Variants in C9orf85 observed in about 807,000 individuals in gnomAD.
C9orf85 encodes the protein uncharacterized protein C9orf85.
C9orf85 carries 16 observed loss-of-function variants against 14.9 expected under a neutral mutation model. That is an observed-to-expected ratio of 1.08 (90% confidence interval 0.73 to 1.63). C9orf85 has a LOEUF of 1.63. Ranked by LOEUF, C9orf85 falls within the 40% of genes most tolerant of loss-of-function variation. C9orf85 has a pLI of 0.00. For missense variants in C9orf85, 172 were observed against 186.1 expected (o/e 0.92, Z 0.44); for synonymous variants, 45 against 56.8 (o/e 0.79, Z 0.93).
chr9:71,962,980 C>T (rs1003710911), intron 2 of C9orf85, among the ~76,000 whole-genome samples: 5 of 151,928 alleles, frequency 3.3e-5, no homozygotes, highest in Admixed American at 2.6e-4. Flanking sequence ...CACTTGAACC[C>T]GGGAAGTGGA....
chr9:71,960,243 T>A (rs1375448629), intron 2 of C9orf85, among the ~76,000 whole-genome samples: 1 of 152,172 alleles, frequency 6.6e-6, no homozygotes. Context: ...TGAACAAGAA[T>A]CCTGTTGACT....
intron 3 of C9orf85, 142 bp downstream of exon 3, chr9:71,971,760 T>C (rs1473848114): frequency 3.7e-6 from 2 of 538,216 alleles, no homozygotes; most frequent in African/African-American, 4.0e-5. Flanking sequence ...GATCACGAGG[T>C]CAGGAGTTCA....
At chr9:71,951,019 T>G (rs933190392) in intron 2 of C9orf85, among the ~76,000 whole-genome samples, 1 of 152,146 alleles carries the variant, frequency 6.6e-6, no homozygotes, top group Non-Finnish European at 1.5e-5. Flanking sequence ...GTTTGACCTA[T>G]AAACTCTTCA....
intron 1 of C9orf85, among the ~76,000 whole-genome samples, chr9:71,932,532 G>A (rs1828093602): frequency 6.6e-6 from 1 of 152,116 alleles, no homozygotes; most frequent in South Asian, 2.1e-4. Flanking sequence ...TCATGACTTT[G>A]CCTCAGCTCT....
intron 2 of C9orf85, among the ~76,000 whole-genome samples, chr9:71,947,877 C>A (rs1387231029): frequency 6.6e-6 from 1 of 152,170 alleles, no homozygotes; most frequent in South Asian, 2.1e-4. Context: ...AACTCCTGAC[C>A]TCAGGTGATC....
chr9:71,968,917 G>A (rs945269830), intron 2 of C9orf85, among the ~76,000 whole-genome samples: 1 of 151,984 alleles, frequency 6.6e-6, no homozygotes, highest in African/African-American at 2.4e-5. Flanking sequence ...GTGGCGGGGT[G>A]AGCAGTTTCG....
chr9:71,913,951 C>T (rs1827581752), intron 1 of C9orf85, among the ~76,000 whole-genome samples: 1 of 152,126 alleles, frequency 6.6e-6, no homozygotes, highest in Non-Finnish European at 1.5e-5. Flanking sequence ...GGAGGACCAC[C>T]AGGCCACTTC....
chr9:71,917,051 C>T (rs1397900120), intron 1 of C9orf85, among the ~76,000 whole-genome samples: 1 of 152,158 alleles, frequency 6.6e-6, no homozygotes, highest in African/African-American at 2.4e-5. Flanking sequence ...ACATAATTAG[C>T]ACATGCCTCT....
intron 1 of C9orf85, among the ~76,000 whole-genome samples, chr9:71,923,141 G>A (rs986442086): frequency 1.3e-5 from 2 of 152,150 alleles, no homozygotes; most frequent in Non-Finnish European, 2.9e-5. Flanking sequence ...AAAAAAGACT[G>A]ACCACCATCC....
At chr9:71,912,517 CG>C (rs1292066359) in intron 1 of C9orf85, among the ~76,000 whole-genome samples, 1 of 151,834 alleles carries the variant, frequency 6.6e-6, no homozygotes, top group Non-Finnish European at 1.5e-5. Flanking sequence ...GAGGCCGAAG[CG>C]GGTGGATCAC....
chr9:71,922,059 G>A lies in C9orf85; in HGVS notation c.102+10223G>A, dbSNP rs186869115. On this transcript the variant is annotated intron_variant, in intron 1 of 3. Transcript: ENST00000334731. ...GTGTTCAAGCGATTCTCCTACCTCA[G>A]CCTCCCGAGTAGCTAGGATTACAGT... Among the ~76,000 whole-genome samples the A allele has an allele frequency of 3.7e-3, 560 of 151,958 alleles. 3 individuals carry two copies. The highest frequency in any genetic ancestry group is 0.014 in the Middle Eastern group (4 of 294).
At chr9:71,958,005 G>T (rs1168486815) in intron 2 of C9orf85, among the ~76,000 whole-genome samples, 6 of 152,014 alleles carry the variant, frequency 3.9e-5, no homozygotes, top group African/African-American at 1.4e-4. Context: ...ATCCTTTCTA[G>T]TGGAATTTTA....
At chr9:71,968,243 C>G (rs1445864015) in intron 2 of C9orf85, among the ~76,000 whole-genome samples, 1 of 151,776 alleles carries the variant, frequency 6.6e-6, no homozygotes, top group African/African-American at 2.4e-5. Flanking sequence ...ATTAGAAATA[C>G]TCATCTGTCA....
chr9:71,918,366 T>G, intron 1 of C9orf85: 1 of 1,044,950 alleles, frequency 9.6e-7, no homozygotes, highest in East Asian at 6.1e-5. Flanking sequence ...ATTGAATATC[T>G]CAGCTAACCA....
chr9:71,983,002 T>G (rs1056374957), exon 4 of C9orf85: 1 of 160,498 alleles, frequency 6.2e-6, no homozygotes, highest in African/African-American at 2.4e-5. Flanking sequence ...TTTTTTTTTT[T>G]CCTTGTTTTT....
chr9:71,916,879 T>G (rs986911360), intron 1 of C9orf85, among the ~76,000 whole-genome samples: 2 of 152,220 alleles, frequency 1.3e-5, no homozygotes, highest in African/African-American at 4.8e-5. Context: ...CTAATATTTG[T>G]GTACTTAAGT....
intron 3 of C9orf85, among the ~76,000 whole-genome samples, chr9:71,972,447 CG>C (rs1822899796): frequency 6.6e-6 from 1 of 152,094 alleles, no homozygotes; most frequent in African/African-American, 2.4e-5. Context: ...TTAGTAGAGA[CG>C]GGGTTTTGCC....
intron 2 of C9orf85, among the ~76,000 whole-genome samples, chr9:71,957,602 T>A (rs1381053232): frequency 6.6e-6 from 1 of 152,190 alleles, no homozygotes; most frequent in Non-Finnish European, 1.5e-5. Context: ...AAAAATCAGG[T>A]AAGTTTGTGA....
At chr9:71,940,520 A>G (rs186674812) in intron 1 of C9orf85, among the ~76,000 whole-genome samples, 84 of 152,322 alleles carry the variant, frequency 5.5e-4, no homozygotes, top group Middle Eastern at 3.4e-3. Context: ...GAGAAATGTA[A>G]ATTGAAATCG....
Sources: gnomAD v4.1 joint callset for allele counts (sites outside exome capture counted in the v4.1 genomes callset) on GRCh38, gnomAD v4.1.1 for gene constraint, MANE v1.5 for transcripts, NCBI Gene and HGNC (gene_info 2026-07-23, HGNC 2026-07-21) for gene names.